PCDHGA5: variants seen among roughly 807,000 people sequenced by gnomAD.
PCDHGA5 encodes protocadherin gamma-A5.
PCDHGA5 carries 36 observed loss-of-function variants against 56.7 expected under a neutral mutation model. That is an observed-to-expected ratio of 0.64 (90% CI 0.49 to 0.84). PCDHGA5 has a LOEUF of 0.84. Ranked by LOEUF, PCDHGA5 falls within the 40% of genes least tolerant of loss-of-function variation. The probability of loss-of-function intolerance (pLI) is 0.00; values close to 1 mark genes in which losing one functional copy is unlikely to be tolerated. For missense variants in PCDHGA5, 1,305 were observed against 1,201.5 expected, an observed-to-expected ratio of 1.09 and a Z score of -1.27; for synonymous variants, 563 against 520.2, an observed-to-expected ratio of 1.08 and a Z score of -1.12.
chr5:141,478,711 T>A, intron 1 of PCDHGA5: 1 of 1,547,346 alleles, frequency 6.5e-7, no homozygotes, highest in Non-Finnish European at 8.7e-7. Flanking sequence ...CTTTGTGAGA[T>A]GGTGGCCTGC....
At chr5:141,408,896 G>A (rs1441378199) in intron 1 of PCDHGA5, 5 of 1,613,328 alleles carry the variant, frequency 3.1e-6, no homozygotes, top group East Asian at 2.2e-5. Flanking sequence ...AGAAATTTCT[G>A]TCAAGGATAC....
In PCDHGA5 at chr5:141,476,742, G is replaced by C. The variant is rs1015622831; in HGVS notation, c.2422-18065G>C. 8.7e-6 allele frequency: 14 copies of C among 1,613,936 alleles called. No homozygotes were observed. Among genetic ancestry groups the C allele is most frequent in the Non-Finnish European group, 1.1e-5 (13 of 1,180,032 alleles). On this transcript the variant is annotated intron_variant, in intron 1 of 3. Transcript: ENST00000518069. The surrounding 1 kb of genome is among the most constrained non-coding windows in gnomAD (Gnocchi z 7.6). ...GCCCTGGACCGAGAACGGGAGCCTA[G>C]TCTCCAGTTAGTGCTGACGGCGTTG...
rs754835805 is a variant in PCDHGA5 at position 141,415,008 on chromosome 5, T to C, written c.2421+48257T>C. ...GCCAGAACGCCTGGCTGTCCTACCGTCTGCTCAAGGCCAGCGAGCCGGGAC... is the reference window on the plus strand; with the variant it reads ...GCCAGAACGCCTGGCTGTCCTACCGCCTGCTCAAGGCCAGCGAGCCGGGAC... On this transcript the variant is annotated intron_variant, in intron 1 of 3. Transcript: ENST00000518069. 3.1e-6 allele frequency: 5 copies of C among 1,613,636 alleles called. No individual in the cohort carries two copies. The South Asian group carries it at 3.3e-5, about 11-fold the overall frequency.
At chr5:141,474,345 G>A (rs541613646) in intron 1 of PCDHGA5, among the ~76,000 whole-genome samples, 7 of 152,124 alleles carry the variant, frequency 4.6e-5, no homozygotes, top group African/African-American at 7.2e-5. Flanking sequence ...TTGTTAAAAT[G>A]TAAGTCATGT....
intron 2 of PCDHGA5, 117 bp downstream of exon 2, chr5:141,494,982 G>T: frequency 1.3e-6 from 2 of 1,563,940 alleles, no homozygotes; most frequent in Non-Finnish European, 1.7e-6. Flanking sequence ...CTCAGTTTGA[G>T]ATCCCAGGGA....
intron 1 of PCDHGA5, among the ~76,000 whole-genome samples, chr5:141,483,679 CAGAA>C (rs1470395939): frequency 6.7e-6 from 1 of 149,028 alleles, no homozygotes; most frequent in Non-Finnish European, 1.5e-5. Flanking sequence ...TAAAAGAACA[CAGAA>C]AGCCAGATTC....
In PCDHGA5 at chr5:141,482,160, T is replaced by C. The variant is rs577572891; in HGVS notation, c.2422-12647T>C. Reference sequence around the variant, plus strand: ...GCATAAAAAGGTCAAGTCAAAGATATGTAAGATTAAGGCTTTACGATGCTC... The same window carrying C: ...GCATAAAAAGGTCAAGTCAAAGATACGTAAGATTAAGGCTTTACGATGCTC... On this transcript the variant is annotated intron_variant, in intron 1 of 3. Coordinates refer to ENST00000518069, the MANE Select transcript of PCDHGA5 (RefSeq NM_018918.3). 1.6e-4 allele frequency among the ~76,000 whole-genome samples: 25 copies of C among 151,966 alleles called. No homozygotes were observed. In the South Asian group the frequency reaches 4.0e-3, roughly 24 times the overall value.
At chr5:141,418,806 C>A in intron 1 of PCDHGA5, 1 of 1,613,696 alleles carries the variant, frequency 6.2e-7, no homozygotes, top group Non-Finnish European at 8.5e-7. Context: ...GAAAGATATA[C>A]GATAAACATA....
intron 1 of PCDHGA5, among the ~76,000 whole-genome samples, chr5:141,455,246 G>A (rs2098817522): frequency 6.6e-6 from 1 of 151,962 alleles, no homozygotes; most frequent in Non-Finnish European, 1.5e-5. Context: ...AAAGGTCATA[G>A]TACAATCGCA....
rs534304763 is a variant in PCDHGA5 at position 141,394,533 on chromosome 5, G to A, written c.2421+27782G>A. On this transcript the variant is annotated intron_variant, in intron 1 of 3. Transcript: ENST00000518069. The stretch of plus-strand genomic sequence containing the variant: ...CGCCCTCCCCACAGACGGTTCCACT[G>A]GCGTGGAGCTGGCGCCCCGCTCCGC... The A allele has an allele frequency of 2.1e-5, 34 of 1,614,210 alleles. 1 individual carries two copies. In the South Asian group the frequency reaches 3.0e-4, roughly 14 times the overall value.
At chr5:141,470,236 T>C (rs1232874196) in intron 1 of PCDHGA5, among the ~76,000 whole-genome samples, 1 of 152,210 alleles carries the variant, frequency 6.6e-6, no homozygotes, top group African/African-American at 2.4e-5. Context: ...ACCAAACCCT[T>C]GAATGTCCCA....
intron 1 of PCDHGA5, chr5:141,371,721 C>A: frequency 6.2e-7 from 1 of 1,614,084 alleles, no homozygotes; most frequent in Non-Finnish European, 8.5e-7. Flanking sequence ...TCTGCACATC[C>A]TTGATGTCAA....
chr5:141,415,740 G>GTTTTTTTTTTTTTTTTTTTT (rs57426385), intron 1 of PCDHGA5: 5 of 625,024 alleles, frequency 8.0e-6, no homozygotes, highest in African/African-American at 5.0e-5. Flanking sequence ...GTTTATTAAG[G>GTTTTTTTTTTTTTTTTTTTT]TTTTTTTTTT....
chr5:141,495,702 T>C (rs1462896403), intron 2 of PCDHGA5, among the ~76,000 whole-genome samples: 3 of 152,212 alleles, frequency 2.0e-5, no homozygotes, highest in Non-Finnish European at 4.4e-5. Context: ...TCAATAAATG[T>C]GGAGTGAGTA....
In PCDHGA5 at chr5:141,485,770, T is replaced by A. The variant is rs1199757869; in HGVS notation, c.2422-9037T>A. The A allele has an allele frequency of 6.2e-7, 1 of 1,614,180 alleles. No homozygotes were observed. The highest frequency in any genetic ancestry group is 1.1e-5 in the South Asian group (1 of 91,080). On this transcript the variant is annotated intron_variant, in intron 1 of 3. Transcript: ENST00000518069. This position sits in a 1 kb window ranked among gnomAD's most constrained non-coding sequence, Gnocchi z 5.7. ...TCCCAGAGCTGCTCCTGGAGAAGCC[T>A]TTGGATCGAGAGAAGCAATCGGACT... is the stretch of plus-strand genomic sequence containing the variant.
At chr5:141,389,367 G>A (rs1402654392) in intron 1 of PCDHGA5, 4 of 1,613,806 alleles carry the variant, frequency 2.5e-6, no homozygotes, top group South Asian at 1.1e-5. Context: ...CAGTGACCTG[G>A]AGCAGCGGGA....
At chr5:141,421,156 C>T in intron 1 of PCDHGA5, 1 of 1,197,694 alleles carries the variant, frequency 8.3e-7, no homozygotes, top group Non-Finnish European at 1.1e-6. Flanking sequence ...CGGCCTAGGA[C>T]TTCATAGATA....
At chr5:141,458,345 G>A (rs1161535708) in intron 1 of PCDHGA5, among the ~76,000 whole-genome samples, 2 of 152,112 alleles carry the variant, frequency 1.3e-5, no homozygotes, top group Non-Finnish European at 2.9e-5. Context: ...GGAGTGGAGA[G>A]TTTAATAAGC....
chr5:141,364,361 G>A lies in PCDHGA5; in HGVS notation c.31G>A (p.Gly11Arg), dbSNP rs1763280046. 1.3e-6 allele frequency: 2 copies of A among 1,559,560 alleles called. No individual in the cohort carries two copies. Among genetic ancestry groups the A allele is most frequent in the Middle Eastern group, 1.7e-4 (1 of 5,776 alleles). MASPPRGWGC[G>R]ELLLPFMLLG... ...GAGTCCACCTAGGGGCTGGGGCTGC[G>A]GAGAGCTGCTGCTGCCCTTCATGCT... Residue 11 changes from glycine (G) to arginine (R), a missense_variant, in exon 1 of 4, where the codon GGA (glycine) becomes AGA (arginine). Gly to Arg is a moderately radical substitution (Grantham distance 125). Transcript: ENST00000518069.
Sources: allele counts gnomAD v4.1 joint callset (sites outside exome capture counted in the v4.1 genomes callset), GRCh38; gene constraint gnomAD v4.1.1; non-coding constraint Gnocchi (gnomAD v3.1); transcripts MANE v1.5; gene names NCBI Gene and HGNC (gene_info 2026-07-23, HGNC 2026-07-21).